Variants in ZC3HAV1 observed in about 807,000 individuals in gnomAD.
ZC3HAV1 encodes the protein zinc finger CCCH-type antiviral protein 1.
Under a neutral mutation model 86.6 loss-of-function variants are expected in ZC3HAV1, and 41 were observed. That is an observed-to-expected ratio of 0.47 (90% CI 0.37 to 0.61). The LOEUF (loss-of-function observed/expected upper bound fraction) is 0.61, where lower values mean the gene tolerates loss of function less well. Ranked by LOEUF, ZC3HAV1 falls within the 20% of genes least tolerant of loss-of-function variation. The pLI is 0.00. For synonymous variants in ZC3HAV1, 421 were observed against 432.1 expected, an observed-to-expected ratio of 0.97 and a Z score of 0.32; for missense variants, 964 against 1,141.1, an observed-to-expected ratio of 0.84 and a Z score of 2.24.
intron 1 of ZC3HAV1, among the ~76,000 whole-genome samples, chr7:139,101,089 C>A (rs998852435): frequency 6.6e-6 from 1 of 152,198 alleles, no homozygotes; most frequent in South Asian, 2.1e-4. Context: ...GAGTGATCCG[C>A]CAGCCTCGGC....
rs867202921 is a variant in ZC3HAV1 at position 139,109,367 on chromosome 7, G to T, written c.-36C>A. 2.0e-6 allele frequency: 3 copies of T among 1,521,762 alleles called. No individual in the cohort carries two copies. Among genetic ancestry groups the T allele is most frequent in the Non-Finnish European group, 8.8e-7 (1 of 1,136,580 alleles). The allele number at this position is 1,521,762 out of a possible 1,614,324, so 94.3% of individuals were successfully genotyped here. On this transcript the variant is annotated 5_prime_UTR_variant, in exon 1 of 13. Transcript: ENST00000242351. ...CTGTGCTGGCTCTGCCGCGGCGCGG[G>T]ACTCGGTTCCGCGGAAATCGGAAAT...
intron 5 of ZC3HAV1, among the ~76,000 whole-genome samples, chr7:139,077,934 G>A (rs1014942175): frequency 2.0e-5 from 3 of 152,134 alleles, no homozygotes; most frequent in Admixed American, 1.3e-4. Flanking sequence ...TTGTTAGAAT[G>A]GCTGCTATCA....
chr7:139,081,529 G>A (rs1420384210), intron 3 of ZC3HAV1, among the ~76,000 whole-genome samples: 1 of 152,174 alleles, frequency 6.6e-6, no homozygotes, highest in Non-Finnish European at 1.5e-5. Flanking sequence ...TGTAGTGAGA[G>A]AGAAAAAGCA....
At chr7:139,065,089 A>C in intron 7 of ZC3HAV1, 90 bp from the exon 8 acceptor site, 1 of 1,543,998 alleles carries the variant, frequency 6.5e-7, no homozygotes, top group Non-Finnish European at 8.8e-7. Flanking sequence ...ATGAGATGTG[A>C]ACAGGAGTGC....
intron 12 of ZC3HAV1, among the ~76,000 whole-genome samples, chr7:139,049,051 C>T (rs544109124): frequency 6.6e-6 from 1 of 150,784 alleles, no homozygotes; most frequent in South Asian, 2.1e-4. Flanking sequence ...AATATATGAA[C>T]TGTTCTACAA....
At chr7:139,059,084 C>T (rs369817465) in intron 9 of ZC3HAV1, among the ~76,000 whole-genome samples, 8 of 152,110 alleles carry the variant, frequency 5.3e-5, no homozygotes, top group African/African-American at 1.4e-4. Flanking sequence ...CCTGCCAGAA[C>T]GATTGTAACG....
At chr7:139,106,501 C>A (rs1003367528) in intron 1 of ZC3HAV1, among the ~76,000 whole-genome samples, 8 of 152,120 alleles carry the variant, frequency 5.3e-5, no homozygotes, top group Admixed American at 5.2e-4. Context: ...ATAATCCCAG[C>A]TACTTGGGAG....
intron 1 of ZC3HAV1, among the ~76,000 whole-genome samples, chr7:139,094,448 C>A (rs1817521421): frequency 6.8e-6 from 1 of 146,186 alleles, no homozygotes; most frequent in African/African-American, 2.6e-5. Context: ...ACACTTGGAG[C>A]AGATAAACCT....
chr7:139,065,074 T>C lies in ZC3HAV1; in HGVS notation c.1873-75A>G, dbSNP rs942258938. 23 of 1,585,902 alleles carry C rather than the reference T, an allele frequency of 1.5e-5. No homozygotes were observed. The Admixed American group carries it at 3.3e-4, about 23-fold the overall frequency. The stretch of plus-strand genomic sequence containing the variant: ...TCTCTACTGTTATATGATTTCGTTT[T>C]AGCAATGAGATGTGAACAGGAGTGC... On this transcript the variant is annotated intron_variant, in intron 7 of 12. Coordinates refer to ENST00000242351, the MANE Select transcript of ZC3HAV1 (RefSeq NM_020119.4).
chr7:139,079,216 G>A (rs113725072), intron 4 of ZC3HAV1: 1 of 1,536,448 alleles, frequency 6.5e-7, no homozygotes, highest in South Asian at 1.2e-5. Context: ...TTGAGGAAAG[G>A]GCAGCAGGTG....
intron 10 of ZC3HAV1, 99 bp downstream of exon 10, chr7:139,055,106 G>A (rs961528847): frequency 1.5e-5 from 16 of 1,080,756 alleles, no homozygotes; most frequent in African/African-American, 6.3e-5. Flanking sequence ...AGAGTTTTGC[G>A]GGAGCAATTC....
At chr7:139,057,683 C>CATG in intron 9 of ZC3HAV1, among the ~76,000 whole-genome samples, 1 of 78,784 alleles carries the variant, frequency 1.3e-5, no homozygotes, top group Middle Eastern at 5.1e-3. Context: ...GGACTACAGG[C>CATG]GCCCGCCACC....
intron 7 of ZC3HAV1, among the ~76,000 whole-genome samples, chr7:139,070,745 C>T (rs1461581350): frequency 6.7e-6 from 1 of 149,866 alleles, no homozygotes; most frequent in East Asian, 2.0e-4. Flanking sequence ...CTTTGGGAGG[C>T]AGAGGCAGGC....
rs1584838863 is a variant in ZC3HAV1 at position 139,055,435 on chromosome 7, T to C, written c.2097-140A>G. 3.5e-5 allele frequency: 21 copies of C among 595,428 alleles called. No homozygotes were observed. In the East Asian group the frequency reaches 6.1e-4, roughly 17 times the overall value. The allele number at this position is 595,428 out of a possible 1,614,324, so 36.9% of individuals were successfully genotyped here. The stretch of plus-strand genomic sequence containing the variant: ...TTTCTGTATTTTTCTCTGGACTACA[T>C]CCTCACATATTCCTGGTATAGATGT... On this transcript the variant is annotated intron_variant, in intron 9 of 12. Transcript: ENST00000242351.
Position 139,109,571 on chromosome 7 carries a change from A to G in ZC3HAV1, c.-240T>C, listed in dbSNP as rs1278584608. On this transcript the variant is annotated 5_prime_UTR_variant, in exon 1 of 13. Transcript: ENST00000242351. ...TAGTGGCAGGTTTACAGCCGGCCGCAAGGGCAACTGGGTGGAAAGAAAGAG... is the reference window on the plus strand; with the variant it reads ...TAGTGGCAGGTTTACAGCCGGCCGCGAGGGCAACTGGGTGGAAAGAAAGAG... The G allele has an allele frequency of 4.2e-6, 2 of 470,594 alleles. No homozygotes were observed. Among genetic ancestry groups the G allele is most frequent in the Non-Finnish European group, 7.4e-6 (2 of 271,780 alleles). The allele number at this position is 470,594 out of a possible 1,614,324, so 29.2% of individuals were successfully genotyped here. A position where few individuals can be genotyped will look rare whatever the true frequency, so the allele number is the denominator to read the frequency against.
intron 12 of ZC3HAV1, among the ~76,000 whole-genome samples, chr7:139,052,108 TTC>T (rs760622701): frequency 1.3e-5 from 2 of 152,078 alleles, no homozygotes; most frequent in Non-Finnish European, 2.9e-5. Flanking sequence ...TCATAAATAT[TTC>T]TCTTTTTTTC....
Position 139,078,605 on chromosome 7 carries a change from T to C in ZC3HAV1, c.1520A>G (p.His507Arg), listed in dbSNP as rs1817027535. The change falls in exon 5 of 13, where the codon CAT (histidine) becomes CGT (arginine). Residue 507 changes from histidine (H) to arginine (R), a missense_variant. Physicochemically the swap from His to Arg is conservative, Grantham distance 29. Transcript: ENST00000242351. ...GTCAAGACAAATTTCCTCTGAGTCA[T>C]GATCATCCACCCTAGAAGATGTGGT... Reference protein sequence around the residue: ...TSTTSSRVDDHDSEEICLDHL... With the variant: ...TSTTSSRVDDRDSEEICLDHL... 6.3e-7 allele frequency: 1 copy of C among 1,590,916 alleles called. No individual in the cohort carries two copies. Among genetic ancestry groups the C allele is most frequent in the African/African-American group, 1.4e-5 (1 of 73,346 alleles).
At position 139,075,493 on chromosome 7, in the gene ZC3HAV1, C is replaced by T. The variant is rs548512607; in HGVS notation, c.1697+793G>A. 1.9e-3 allele frequency among the ~76,000 whole-genome samples: 294 copies of T among 152,268 alleles called. 1 individual carries two copies. Among genetic ancestry groups the T allele is most frequent in the Middle Eastern group, 6.8e-3 (2 of 294 alleles). ...TGTCACCCAGGCTGGAGTGTGGTAG[C>T]ACAATCACGGCTCATTGCAGCCTCA... is the stretch of plus-strand genomic sequence containing the variant. On this transcript the variant is annotated intron_variant, in intron 6 of 12. Transcript: ENST00000242351.
At chr7:139,075,028 T>C (rs552639161) in intron 6 of ZC3HAV1, among the ~76,000 whole-genome samples, 1 of 152,256 alleles carries the variant, frequency 6.6e-6, no homozygotes, top group Non-Finnish European at 1.5e-5. Context: ...AGTGGGTATT[T>C]TACAACATCT....
Sources: gnomAD v4.1 joint callset for allele counts (sites outside exome capture counted in the v4.1 genomes callset) on GRCh38, gnomAD v4.1.1 for gene constraint, MANE v1.5 for transcripts, NCBI Gene and HGNC (gene_info 2026-07-23, HGNC 2026-07-21) for gene names.